Variants in CNIH1 observed in about 807,000 individuals in gnomAD.
CNIH1 encodes the protein protein cornichon homolog 1.
CNIH1 carries 12 observed loss-of-function variants against 20.2 expected under a neutral mutation model. That is an observed-to-expected ratio of 0.59 (90% CI 0.38 to 0.96). CNIH1 has a LOEUF of 0.96. CNIH1 is among the 40% of genes least tolerant of loss of function. The probability of loss-of-function intolerance (pLI) is 0.00; values close to 1 mark genes in which losing one functional copy is unlikely to be tolerated. For synonymous variants in CNIH1, 69 were observed against 63.3 expected (o/e 1.09, Z -0.43); for missense variants, 152 against 178.8 (o/e 0.85, Z 0.85).
chr14:54,433,696 A>G (rs1001097433), intron 2 of CNIH1, among the ~76,000 whole-genome samples: 2 of 152,156 alleles, frequency 1.3e-5, no homozygotes, highest in Non-Finnish European at 2.9e-5. Flanking sequence ...ATATAAGCCT[A>G]TTTCAGCCCT....
intron 1 of CNIH1, among the ~76,000 whole-genome samples, chr14:54,437,598 T>C (rs948598159): frequency 2.9e-4 from 44 of 151,446 alleles, no homozygotes; most frequent in African/African-American, 9.9e-4. Context: ...GCCTAAAATA[T>C]AAAATAGTGC....
rs2031168525 is a variant in CNIH1 at position 54,441,247 on chromosome 14, G to C, written c.81C>G (p.His27Gln). The C allele has an allele frequency of 6.6e-7, 1 of 1,511,336 alleles. No homozygotes were observed. The highest frequency in any genetic ancestry group is 8.9e-7 in the Non-Finnish European group (1 of 1,127,532). The allele number at this position is 1,511,336 out of a possible 1,614,324, so 93.6% of individuals were successfully genotyped here. A position where few individuals can be genotyped will look rare whatever the true frequency, so the allele number is the denominator to read the frequency against. ...TAALIFFAIW[H>Q]IIAFDELKTD... Reference sequence around the variant, plus strand: ...CCTTTCCCCAGCCCCAGCTACTCACGTGCCAAATGGCGAAGAAGATGAGCG... The same window carrying C: ...CCTTTCCCCAGCCCCAGCTACTCACCTGCCAAATGGCGAAGAAGATGAGCG... Residue 27 changes from histidine to glutamine, a missense_variant and splice_region_variant, in exon 1 of 5, where the codon CAC (histidine) becomes CAG (glutamine). His to Gln is a conservative substitution (Grantham distance 24). This residue lies in a region of CNIH1 where 97 missense variants were observed against 100.6 expected (regional missense o/e 0.96). Transcript: ENST00000216416.
intron 1 of CNIH1, 58 bp from the exon 2 acceptor site, chr14:54,436,495 C>A: frequency 3.5e-6 from 3 of 854,924 alleles, no homozygotes; most frequent in Non-Finnish European, 5.8e-6. Flanking sequence ...AGCAACAAAC[C>A]TGCCCCATCT....
chr14:54,438,643 C>A (rs2031103821), intron 1 of CNIH1, among the ~76,000 whole-genome samples: 2 of 152,174 alleles, frequency 1.3e-5, no homozygotes, highest in Non-Finnish European at 2.9e-5. Context: ...AAAACATTCT[C>A]TAATACAGTG....
At chr14:54,430,916 C>G (rs1453965704) in intron 3 of CNIH1, among the ~76,000 whole-genome samples, 4 of 152,098 alleles carry the variant, frequency 2.6e-5, no homozygotes, top group Non-Finnish European at 4.4e-5. Context: ...ACCACAATCT[C>G]AGATTCCTGG....
At chr14:54,428,022 A>G (rs2139998837) in intron 4 of CNIH1, among the ~76,000 whole-genome samples, 181 bp from the exon 5 acceptor site, 1 of 152,254 alleles carries the variant, frequency 6.6e-6, no homozygotes, top group Middle Eastern at 3.4e-3. Flanking sequence ...GACTTGGCTC[A>G]GTGCATATGC....
rs932335253 is a variant in CNIH1, at chr14:54,425,471, G to A, written c.*2343C>T. 1 of 152,174 alleles carries A rather than the reference G, an allele frequency of 6.6e-6. No individual in the cohort carries two copies. The highest frequency in any genetic ancestry group is 1.5e-5 in the Non-Finnish European group (1 of 68,028). The allele number at this position is 152,174 out of a possible 1,614,324, so 9.4% of individuals were successfully genotyped here. Reference sequence around the variant, plus strand: ...TGAATTATAAACCCAGGCTAACCATGCCTCAGCTGAACCCACAGGAATAAT... The same window carrying A: ...TGAATTATAAACCCAGGCTAACCATACCTCAGCTGAACCCACAGGAATAAT... On this transcript the variant is annotated 3_prime_UTR_variant, in exon 5 of 5. Transcript: ENST00000216416.
intron 1 of CNIH1, chr14:54,436,709 T>G: frequency 1.9e-6 from 1 of 526,612 alleles, no homozygotes; most frequent in South Asian, 1.7e-5. Flanking sequence ...GCTCAAGTTA[T>G]TTCAACTTAT....
At chr14:54,431,574 A>T (rs540897542) in intron 3 of CNIH1, among the ~76,000 whole-genome samples, 2 of 152,362 alleles carry the variant, frequency 1.3e-5, no homozygotes, top group African/African-American at 4.8e-5. Flanking sequence ...AACTCTATAT[A>T]CGGCAGATAT....
chr14:54,436,802 C>T (rs1279568620), intron 1 of CNIH1: 1 of 440,866 alleles, frequency 2.3e-6, no homozygotes, highest in African/African-American at 2.1e-5. Flanking sequence ...AAAAAACAAA[C>T]CTTCCTAGGT....
Position 54,427,803 on chromosome 14 carries a change from T to C in CNIH1, c.*11A>G, listed in dbSNP as rs375738110. The C allele has an allele frequency of 1.2e-5, 19 of 1,613,624 alleles. No homozygotes were observed. In the African/African-American group the frequency reaches 1.9e-4, roughly 16 times the overall value. ...ATGCACTTAACTGGACCAATTCTTC[T>C]GTGTGTTGTTCTAAGAGCTCACCAA... On this transcript the variant is annotated 3_prime_UTR_variant, in exon 5 of 5. Transcript: ENST00000216416.
chr14:54,425,535 A>AATCC lies in CNIH1; in HGVS notation c.*2275_*2278dup, dbSNP rs1278142368. 1 of 152,210 alleles carries AATCC rather than the reference A, an allele frequency of 6.6e-6. No individual in the cohort carries two copies. Among genetic ancestry groups the AATCC allele is most frequent in the Non-Finnish European group, 1.5e-5 (1 of 68,030 alleles). 9.4% of individuals were successfully genotyped at this position (152,210 alleles called of 1,614,324 possible). On this transcript the variant is annotated 3_prime_UTR_variant, in exon 5 of 5. Transcript: ENST00000216416. Reference sequence around the variant, plus strand: ...CCCAAAGAGATTGATGTGGAAAATAAATCCAGAGCAATGAAAAGAGCCAGT... The same window carrying AATCC: ...CCCAAAGAGATTGATGTGGAAAATAAATCCATCCAGAGCAATGAAAAGAGCCAGT...
In CNIH1 at chr14:54,430,362, G is replaced by A; in HGVS notation, c.306C>T (p.Asp102=). The A allele has an allele frequency of 3.1e-6, 5 of 1,614,054 alleles. No homozygotes were observed. The highest frequency in any genetic ancestry group is 4.2e-6 in the Non-Finnish European group (5 of 1,179,936). Residue 102 remains aspartate, a synonymous_variant, in exon 4 of 5, where the codon GAC becomes GAT. Coordinates refer to ENST00000216416, the MANE Select transcript of CNIH1 (RefSeq NM_005776.3). Reference sequence around the variant, plus strand: ...TATCTGCATTCATGATGGTTGTAGGGTCATAGAGTCCTGGGCCACTCATCA... The same window carrying A: ...TATCTGCATTCATGATGGTTGTAGGATCATAGAGTCCTGGGCCACTCATCA... ...RPVMSGPGLY[D]PTTIMNADIL...
At chr14:54,438,099 C>T (rs12100876) in intron 1 of CNIH1, among the ~76,000 whole-genome samples, 10,060 of 152,058 alleles carry the variant, frequency 0.066, 564 homozygotes, top group East Asian at 0.28. Flanking sequence ...CCTGCCTCAG[C>T]CTCCGGAGTA....
rs1278046872 is a variant in CNIH1, at chr14:54,425,288, T to C, written c.*2526A>G. The C allele has an allele frequency of 6.6e-6, 1 of 151,582 alleles. No individual in the cohort carries two copies. Among genetic ancestry groups the C allele is most frequent in the Admixed American group, 6.6e-5 (1 of 15,234 alleles). 9.4% of individuals were successfully genotyped at this position (151,582 alleles called of 1,614,324 possible). On this transcript the variant is annotated 3_prime_UTR_variant, in exon 5 of 5. Coordinates refer to ENST00000216416, the MANE Select transcript of CNIH1 (RefSeq NM_005776.3). ...GATATAACCACAGTGTTACACAAGA[T>C]GCAATAAAATAGACACAAACAGGGA...
At chr14:54,428,348 G>A (rs1284265576) in intron 4 of CNIH1, among the ~76,000 whole-genome samples, 2 of 152,140 alleles carry the variant, frequency 1.3e-5, no homozygotes, top group Admixed American at 6.5e-5. Context: ...CTTTTAGGAA[G>A]TGGTTAAAAA....
chr14:54,436,458 T>C, intron 1 of CNIH1, 21 bp from the exon 2 acceptor site: 1 of 1,299,970 alleles, frequency 7.7e-7, no homozygotes, highest in Non-Finnish European at 1.1e-6. Flanking sequence ...ATTAAAACAG[T>C]TAGGACCACT....
chr14:54,432,661 T>G (rs1001750454), intron 2 of CNIH1, among the ~76,000 whole-genome samples: 6 of 152,378 alleles, frequency 3.9e-5, no homozygotes, highest in African/African-American at 1.4e-4. Flanking sequence ...TACATATCAG[T>G]GTTTTTAAGC....
At chr14:54,434,362 G>T (rs139150891) in intron 2 of CNIH1, among the ~76,000 whole-genome samples, 1 of 152,026 alleles carries the variant, frequency 6.6e-6, no homozygotes, top group Non-Finnish European at 1.5e-5. Flanking sequence ...GCCAGGAATC[G>T]CACATTACCT....
Sources: allele counts gnomAD v4.1 joint callset (sites outside exome capture counted in the v4.1 genomes callset), GRCh38; gene constraint gnomAD v4.1.1; regional missense constraint gnomAD v4.1.1; transcripts MANE v1.5; gene names NCBI Gene and HGNC (gene_info 2026-07-23, HGNC 2026-07-21).